The following COL1A1 variants were observed in gnomAD, a reference collection of about 807,000 sequenced individuals.
The protein encoded by COL1A1 is collagen type I alpha 1 chain, also known as collagen alpha-1(I) chain.
In COL1A1, 21 loss-of-function variants were observed where a neutral mutation model predicts 195.7. The ratio of observed to expected loss-of-function variants is 0.11; its 90% confidence interval spans 0.08 to 0.15. COL1A1 has a LOEUF of 0.15. COL1A1 is among the 10% of genes least tolerant of loss of function. The pLI, the probability that COL1A1 is intolerant of heterozygous loss-of-function variation, is 1.00. For synonymous variants in COL1A1, 749 were observed against 747.3 expected (o/e 1.00, Z -0.04); for missense variants, 1,365 against 2,051.0 (o/e 0.67, Z 6.46).
rs1488447384 is a variant in COL1A1, at chr17:50,186,748, T to G, written c.3706A>C (p.Lys1236Gln). The G allele has an allele frequency of 1.2e-6, 2 of 1,613,868 alleles. No homozygotes were observed. Among genetic ancestry groups the G allele is most frequent in the Non-Finnish European group, 1.7e-6 (2 of 1,180,040 alleles). ...TTCTCGATCTGCTGGCTCAGGCTCTTGAGGGTGGTGTCCACCTCGAGGTCA... is the reference window on the plus strand; with the variant it reads ...TTCTCGATCTGCTGGCTCAGGCTCTGGAGGGTGGTGTCCACCTCGAGGTCA... Reference protein sequence around the residue: ...DRDLEVDTTLKSLSQQIENIR... With the variant: ...DRDLEVDTTLQSLSQQIENIR... The change falls in exon 48 of 51, where the codon AAG (lysine) becomes CAG (glutamine). Residue 1236 changes from lysine to glutamine, a missense_variant. Lys to Gln is a moderately conservative substitution (Grantham distance 53, BLOSUM62 1). Transcript: ENST00000225964. This position sits in a 1 kb window ranked among gnomAD's most constrained non-coding sequence, Gnocchi z 5.3.
rs369126752 is a variant in COL1A1 at position 50,199,562 on chromosome 17, G to C, written c.327C>G (p.Gly109=). ...SESPTDQETT[G]VEGPKGDTGP... Reference sequence around the variant, plus strand: ...TTCGAGGGCAGGAGATTACCTCGACGCCGGTGGTTTCTTGGTCGGTGGGTG... The same window carrying C: ...TTCGAGGGCAGGAGATTACCTCGACCCCGGTGGTTTCTTGGTCGGTGGGTG... The change falls in exon 3 of 51, where the codon GGC becomes GGG. Residue 109 remains glycine (G), a synonymous_variant. Transcript: ENST00000225964. The C allele has an allele frequency of 6.2e-7, 1 of 1,614,182 alleles. No homozygotes were observed. Among genetic ancestry groups the C allele is most frequent in the Non-Finnish European group, 8.5e-7 (1 of 1,180,002 alleles).
intron 45 of COL1A1, 22 bp downstream of exon 45, chr17:50,187,854 G>T (rs768163538): frequency 6.4e-7 from 1 of 1,568,674 alleles, no homozygotes; most frequent in South Asian, 1.2e-5. Context: ...ATGGGGACTG[G>T]GGAGGGGCTG....
intron 9 of COL1A1, 66 bp from the exon 10 acceptor site, chr17:50,197,299 G>A (rs1907680604): frequency 1.2e-5 from 18 of 1,527,586 alleles, no homozygotes; most frequent in Non-Finnish European, 1.6e-5. Context: ...CTGGAAAAGT[G>A]GAGAAGGTCT....
intron 29 of COL1A1, 130 bp downstream of exon 29, chr17:50,192,345 G>T: frequency 2.8e-6 from 3 of 1,081,386 alleles, no homozygotes; most frequent in South Asian, 2.7e-5. Flanking sequence ...CTCCCTTCAT[G>T]GGAGGAAGTT....
intron 1 of COL1A1, among the ~76,000 whole-genome samples, chr17:50,200,743 G>A (rs1260541986): frequency 6.6e-6 from 1 of 152,252 alleles, no homozygotes; most frequent in African/African-American, 2.4e-5. Context: ...TCTTTAAGAG[G>A]CTTGGGCTGC....
In COL1A1 at chr17:50,196,144, G is replaced by A; in HGVS notation, c.1002+11C>T. 1 of 1,613,958 alleles carries A rather than the reference G, an allele frequency of 6.2e-7. No homozygotes were observed. Among genetic ancestry groups the A allele is most frequent in the South Asian group, 1.1e-5 (1 of 91,080 alleles). ...CACTCCCAGGCCCTGAGGCCTACAG[G>A]CCACACTCACAGGGGGCCCGGCAGC... On this transcript the variant is annotated intron_variant, in intron 15 of 50. Coordinates refer to ENST00000225964, the MANE Select transcript of COL1A1 (RefSeq NM_000088.4).
chr17:50,193,853 A>G, intron 25 of COL1A1, 90 bp downstream of exon 25: 1 of 1,164,510 alleles, frequency 8.6e-7, no homozygotes, highest in Non-Finnish European at 1.3e-6. Flanking sequence ...ACGGCAGGTC[A>G]GCGGCACAGC....
chr17:50,195,279 A>T lies in COL1A1; in HGVS notation c.1252T>A (p.Ser418Thr), dbSNP rs571929222. The T allele has an allele frequency of 6.2e-7, 1 of 1,613,234 alleles. No individual in the cohort carries two copies. Among genetic ancestry groups the T allele is most frequent in the Admixed American group, 1.7e-5 (1 of 59,926 alleles). The change falls in exon 19 of 51, where the codon TCT becomes ACT. Residue 418 changes from serine to threonine, a missense_variant. This residue lies in a region of COL1A1 where 226 missense variants were observed against 372.9 expected (regional missense o/e 0.61). Transcript: ENST00000225964. The surrounding 1 kb of genome is among the most constrained non-coding windows in gnomAD (Gnocchi z 4.3). ...GGGCCGCCGGGGCCCTGGGGTCCAG[A>T]GGGGCCTCGGGCACCAGGGAAGCCA... ...APGFPGARGPSGPQGPGGPPG... is the reference protein window; with the variant it reads ...APGFPGARGPTGPQGPGGPPG...
At position 50,186,133 on chromosome 17, in the gene COL1A1, G is replaced by C; in HGVS notation, c.4006-113C>G. ...GCTGCCCAATGCACCGTTATATCGA[G>C]AGGAGGCACCACCTGCCCATCGGCA... On this transcript the variant is annotated intron_variant, in intron 49 of 50. Coordinates refer to ENST00000225964, the MANE Select transcript of COL1A1 (RefSeq NM_000088.4). This position sits in a 1 kb window ranked among gnomAD's most constrained non-coding sequence, Gnocchi z 5.3. The C allele has an allele frequency of 1.3e-6, 2 of 1,549,086 alleles. No individual in the cohort carries two copies. The highest frequency in any genetic ancestry group is 1.7e-6 in the Non-Finnish European group (2 of 1,143,462).
chr17:50,187,840 C>T (rs1488497493), intron 45 of COL1A1, 36 bp downstream of exon 45: 6 of 1,534,998 alleles, frequency 3.9e-6, no homozygotes, highest in Non-Finnish European at 5.3e-6. Flanking sequence ...TCCCACAGCA[C>T]AGCATGGGGA....
intron 10 of COL1A1, 52 bp downstream of exon 10, chr17:50,197,128 A>G (rs981694536): frequency 6.2e-7 from 1 of 1,613,768 alleles, no homozygotes; most frequent in Admixed American, 1.7e-5. Context: ...CCAGCTCCTA[A>G]ATGAAGCCCA....
intron 25 of COL1A1, chr17:50,193,405 C>A (rs1179456037): frequency 1.7e-5 from 7 of 401,692 alleles, no homozygotes; most frequent in Non-Finnish European, 3.2e-5. Context: ...TGGAGGGCCA[C>A]CAACAACACT....
At position 50,190,024 on chromosome 17, in the gene COL1A1, G is replaced by T. The variant is rs1906932820; in HGVS notation, c.2536C>A (p.Pro846Thr). The T allele has an allele frequency of 1.9e-6, 3 of 1,613,226 alleles. No individual in the cohort carries two copies. The highest frequency in any genetic ancestry group is 4.5e-5 in the East Asian group (2 of 44,816). Residue 846 changes from proline to threonine, a missense_variant, in exon 36 of 51, where the codon CCC becomes ACC. Pro to Thr is a conservative substitution (Grantham distance 38). Coordinates refer to ENST00000225964, the MANE Select transcript of COL1A1 (RefSeq NM_000088.4). This position sits in a 1 kb window ranked among gnomAD's most constrained non-coding sequence, Gnocchi z 4.7. ...ACAATGGGGCCAGGGGGTCCAGCGG[G>T]TCCGGCAGGGCCAGGGGGACCAGCA... is the stretch of plus-strand genomic sequence containing the variant. Reference protein sequence around the residue: ...GDAGPPGPAGPAGPPGPIGNV... With the variant: ...GDAGPPGPAGTAGPPGPIGNV...
rs2144565853 is a variant in COL1A1 at position 50,193,056 on chromosome 17, A to G, written c.1768-9T>C. On this transcript the variant is annotated splice_polypyrimidine_tract_variant and intron_variant, in intron 25 of 50. Coordinates refer to ENST00000225964, the MANE Select transcript of COL1A1 (RefSeq NM_000088.4). ...GCCTTGCCGGGCTCTCCCTGTGGAG[A>G]AAGGGAGTTAGGGTTGAGGGGGCTG... 5 of 1,613,512 alleles carry G rather than the reference A, an allele frequency of 3.1e-6. No individual in the cohort carries two copies. Among genetic ancestry groups the G allele is most frequent in the Non-Finnish European group, 4.2e-6 (5 of 1,179,848 alleles).
chr17:50,194,597 G>A lies in COL1A1; in HGVS notation c.1491C>T (p.Gly497=), dbSNP rs773286290. 1.8e-5 allele frequency: 29 copies of A among 1,575,822 alleles called. No homozygotes were observed. Among genetic ancestry groups the A allele is most frequent in the African/African-American group, 2.7e-5 (2 of 73,958 alleles). Residue 497 remains glycine, a synonymous_variant, in exon 22 of 51, where the codon GGC becomes GGT. Coordinates refer to ENST00000225964, the MANE Select transcript of COL1A1 (RefSeq NM_000088.4). This position sits in a 1 kb window ranked among gnomAD's most constrained non-coding sequence, Gnocchi z 6.8. ...RGGPGSRGFP[G]ADGVAGPKGP... ...CCTTGGGACCAGCAACACCATCTGC[G>A]CCAGGGAAACCACGGCTACCAGGTC...
intron 9 of COL1A1, 91 bp from the exon 10 acceptor site, chr17:50,197,324 T>C (rs1907684479): frequency 7.4e-7 from 1 of 1,349,542 alleles, no homozygotes; most frequent in African/African-American, 1.4e-5. Context: ...CTTCTTTGGA[T>C]TGTTGCAGGT....
intron 1 of COL1A1, 63 bp from the exon 2 acceptor site, chr17:50,200,010 C>T (rs1220915895): frequency 1.3e-6 from 2 of 1,543,762 alleles, no homozygotes; most frequent in Non-Finnish European, 1.8e-6. Context: ...AACCACCTTT[C>T]CCCCGGGTCT....
intron 6 of COL1A1, 84 bp downstream of exon 6, chr17:50,198,349 A>C: frequency 6.4e-7 from 1 of 1,552,938 alleles, no homozygotes; most frequent in Non-Finnish European, 8.8e-7. Flanking sequence ...GGACCTCCCA[A>C]GCTGTCTATA....
intron 11 of COL1A1, 28 bp downstream of exon 11, chr17:50,196,982 G>T (rs897388930): frequency 1.2e-6 from 2 of 1,613,332 alleles, no homozygotes; most frequent in South Asian, 2.2e-5. Flanking sequence ...GGGACTTGGG[G>T]AGCTTAAATG....
Sources: gnomAD v4.1 joint callset for allele counts (sites outside exome capture counted in the v4.1 genomes callset) on GRCh38, gnomAD v4.1.1 for gene constraint, gnomAD v4.1.1 regional missense constraint, Gnocchi (gnomAD v3.1) non-coding constraint, MANE v1.5 for transcripts, NCBI Gene and HGNC (gene_info 2026-07-23, HGNC 2026-07-21) for gene names.